The following EYS variants were observed in gnomAD, a reference collection of about 807,000 sequenced individuals.
EYS encodes the protein EGF-like photoreceptor maintenance factor.
EYS carries 250 observed loss-of-function variants against 282.1 expected under a neutral mutation model. The ratio of observed to expected loss-of-function variants is 0.89; its 90% CI spans 0.80 to 0.98. The LOEUF (loss-of-function observed/expected upper bound fraction) is 0.98, where lower values mean the gene tolerates loss of function less well. Ranked by LOEUF, EYS falls within the 50% of genes least tolerant of loss-of-function variation. The pLI is 0.00. For synonymous variants in EYS, 1,355 were observed against 1,282.9 expected (o/e 1.06, Z -1.20); for missense variants, 4,016 against 3,709.0 (o/e 1.08, Z -2.15).
At chr6:65,154,100 T>C (rs555730921) in intron 12 of EYS, among the ~76,000 whole-genome samples, 1 of 151,904 alleles carries the variant, frequency 6.6e-6, no homozygotes, top group Non-Finnish European at 1.5e-5. Context: ...TTTTAAGCTC[T>C]CGGAAAAGAG....
chr6:64,328,724 C>T (rs1426676630), intron 29 of EYS, among the ~76,000 whole-genome samples: 1 of 152,116 alleles, frequency 6.6e-6, no homozygotes, highest in Non-Finnish European at 1.5e-5. Flanking sequence ...AGAGAGAAGC[C>T]AGACACAGAG....
chr6:64,442,187 G>A (rs1263700280), intron 26 of EYS, among the ~76,000 whole-genome samples: 3 of 152,172 alleles, frequency 2.0e-5, no homozygotes, highest in African/African-American at 7.2e-5. Context: ...TGGAGCAAAG[G>A]TGACCCTTGT....
intron 31 of EYS, among the ~76,000 whole-genome samples, chr6:64,113,800 G>A (rs1454889726): frequency 1.3e-5 from 2 of 152,074 alleles, no homozygotes; most frequent in Non-Finnish European, 2.9e-5. Flanking sequence ...TAGTAACTGT[G>A]AAGAGTGTTT....
At chr6:63,819,858 G>A (rs1771276041) in intron 36 of EYS, among the ~76,000 whole-genome samples, 1 of 152,124 alleles carries the variant, frequency 6.6e-6, no homozygotes, top group Admixed American at 6.5e-5. Flanking sequence ...ACAAATTCCT[G>A]CCAATCCCAT....
At chr6:64,465,487 A>C (rs1367004060) in intron 26 of EYS, among the ~76,000 whole-genome samples, 1 of 152,184 alleles carries the variant, frequency 6.6e-6, no homozygotes, top group Non-Finnish European at 1.5e-5. Context: ...ATTTTGGCAA[A>C]GATGTCAAGG....
intron 33 of EYS, among the ~76,000 whole-genome samples, chr6:64,011,776 T>C (rs1768644084): frequency 6.6e-6 from 1 of 152,150 alleles, no homozygotes; most frequent in Non-Finnish European, 1.5e-5. Context: ...CATGTATAAT[T>C]GCAGCATGAA....
intron 12 of EYS, among the ~76,000 whole-genome samples, chr6:65,159,628 A>G (rs1027555098): frequency 6.6e-6 from 1 of 150,796 alleles, no homozygotes; most frequent in African/African-American, 2.4e-5. Flanking sequence ...ATTACTTCCC[A>G]TTAATATCTA....
chr6:64,989,652 AATTAT>A (rs1038415411), intron 14 of EYS, among the ~76,000 whole-genome samples: 13 of 144,490 alleles, frequency 9.0e-5, no homozygotes, highest in African/African-American at 3.0e-4. Flanking sequence ...TAATTATAAA[AATTAT>A]ATTATTTATT....
intron 35 of EYS, among the ~76,000 whole-genome samples, chr6:63,962,359 A>G (rs1298754644): frequency 6.6e-6 from 1 of 152,222 alleles, no homozygotes. Flanking sequence ...CGATCTACTC[A>G]TCTGACAAAG....
intron 26 of EYS, among the ~76,000 whole-genome samples, chr6:64,562,016 C>A (rs1177583895): frequency 1.3e-5 from 2 of 150,872 alleles, no homozygotes; most frequent in Admixed American, 1.3e-4. Context: ...CAACAGTAAC[C>A]AAAACAGCAT....
chr6:64,563,653 C>A (rs969725724), intron 26 of EYS, among the ~76,000 whole-genome samples: 7 of 152,186 alleles, frequency 4.6e-5, no homozygotes, highest in Middle Eastern at 6.8e-3. Context: ...ATCGACTATA[C>A]ACTTTTGCTG....
intron 41 of EYS, among the ~76,000 whole-genome samples, chr6:63,728,715 C>T (rs571538145): frequency 2.6e-5 from 4 of 152,266 alleles, no homozygotes; most frequent in African/African-American, 9.6e-5. Flanking sequence ...CTTTGCTTGC[C>T]TATTTGACTC....
chr6:63,741,831 A>G (rs1769082709), intron 41 of EYS: 1 of 675,928 alleles, frequency 1.5e-6, no homozygotes, highest in East Asian at 2.7e-5. Flanking sequence ...TCCACAGCTC[A>G]TCTGACTCAA....
chr6:64,743,494 G>A (rs543882396), intron 22 of EYS, among the ~76,000 whole-genome samples: 2 of 152,144 alleles, frequency 1.3e-5, no homozygotes, highest in South Asian at 4.1e-4. Context: ...ATGGTAAAGA[G>A]CATTCTTAAC....
chr6:65,702,715 A>C (rs909088217), intron 1 of EYS, among the ~76,000 whole-genome samples: 18 of 151,634 alleles, frequency 1.2e-4, no homozygotes, highest in African/African-American at 4.1e-4. Context: ...ATAATAAATA[A>C]ATAAATAATA....
At chr6:64,492,369 T>G (rs1211150385) in intron 26 of EYS, among the ~76,000 whole-genome samples, 3 of 151,318 alleles carry the variant, frequency 2.0e-5, no homozygotes, top group Non-Finnish European at 4.4e-5. Flanking sequence ...ACGTGTTGTA[T>G]GTCTAAAACT....
intron 40 of EYS, among the ~76,000 whole-genome samples, chr6:63,765,607 G>A (rs898048395): frequency 1.3e-5 from 2 of 151,780 alleles, no homozygotes; most frequent in Admixed American, 6.6e-5. Context: ...GGAAAATAGG[G>A]TATCCATACC....
At chr6:64,935,693 C>A (rs1030527036) in intron 15 of EYS, among the ~76,000 whole-genome samples, 3 of 151,484 alleles carry the variant, frequency 2.0e-5, no homozygotes, top group Non-Finnish European at 4.4e-5. Context: ...ACACGCTAAC[C>A]AATTATAAAG....
intron 24 of EYS, among the ~76,000 whole-genome samples, chr6:64,604,088 T>C (rs908940385): frequency 7.9e-5 from 12 of 151,972 alleles, no homozygotes; most frequent in Non-Finnish European, 1.3e-4. Context: ...TTTATGTGCT[T>C]CGCTCTCTGT....
Sources: allele counts gnomAD v4.1 joint callset (sites outside exome capture counted in the v4.1 genomes callset), GRCh38; gene constraint gnomAD v4.1.1; transcripts MANE v1.5; gene names NCBI Gene and HGNC (gene_info 2026-07-23, HGNC 2026-07-21).